Variants in SUMF2 observed in about 807,000 individuals in gnomAD.
The protein encoded by SUMF2 is inactive C-alpha-formylglycine-generating enzyme 2.
Under a neutral mutation model 44.8 loss-of-function variants are expected in SUMF2, and 45 were observed. The observed-to-expected ratio is 1.00, with a 90% CI of 0.79 to 1.29. SUMF2 has a LOEUF of 1.29. SUMF2 is among the 50% of genes most tolerant of loss of function. The pLI, the probability that SUMF2 is intolerant of heterozygous loss-of-function variation, is 0.00. For synonymous variants in SUMF2, 148 were observed against 150.4 expected (o/e 0.98, Z 0.12); for missense variants, 418 against 389.9 (o/e 1.07, Z -0.61).
downstream of SUMF2, among the ~76,000 whole-genome samples, chr7:56,083,960 G>C (rs1005435930): frequency 4.6e-5 from 7 of 152,158 alleles, no homozygotes; most frequent in Admixed American, 4.6e-4. Context: ...AACCCTCCGA[G>C]GAATAGGCCT....
At chr7:56,086,850 T>C in the SUMF2 span, 1 of 809,374 alleles carries the variant, frequency 1.2e-6, no homozygotes, top group Non-Finnish European at 2.2e-6. Context: ...AACACCGTGA[T>C]TGTATTTGGC....
rs2117510490 is a variant in SUMF2, at chr7:56,079,530, T to C, written c.824T>C (p.Met275Thr). The change falls in exon 9 of 9, where the codon ATG (methionine) becomes ACG (threonine). Residue 275 changes from methionine (M) to threonine (T), a missense_variant and splice_region_variant. Coordinates refer to ENST00000434526, the MANE Select transcript of SUMF2 (RefSeq NM_015411.4). ...TCTCTCCCCTTCTCTGCTGGCAGGA[T>C]GGGCAACACTCCAGATTCAGCCTCA... ...ANHRARVTTR[M>T]GNTPDSASDN... 6.2e-7 allele frequency: 1 copy of C among 1,611,344 alleles called. No individual in the cohort carries two copies. The highest frequency in any genetic ancestry group is 2.2e-5 in the East Asian group (1 of 44,798).
downstream of SUMF2, chr7:56,083,769 T>C: frequency 8.1e-7 from 1 of 1,241,968 alleles, no homozygotes; most frequent in Non-Finnish European, 1.2e-6. Context: ...CCACTGCCCT[T>C]ACCCTGCTCC....
At position 56,064,368 on chromosome 7, in the gene SUMF2, G is replaced by T. The variant is rs1262288764; in HGVS notation, c.57G>T (p.Trp19Cys). The T allele has an allele frequency of 1.2e-6, 2 of 1,604,048 alleles. No individual in the cohort carries two copies. Among genetic ancestry groups the T allele is most frequent in the African/African-American group, 2.7e-5 (2 of 74,902 alleles). Residue 19 changes from tryptophan to cysteine, a missense_variant, in exon 1 of 9, where the codon TGG becomes TGT. Trp to Cys is a radical substitution (Grantham distance 215, BLOSUM62 -2). Coordinates refer to ENST00000434526, the MANE Select transcript of SUMF2 (RefSeq NM_015411.4). ...TGCTGTCGCTCCTGGTCGGCGCGTG[G>T]CTCAAGCTAGGTCAGTGAACCGGCC... ...LPLLSLLVGA[W>C]LKLGNGQATS... is the part of the protein sequence containing the mutation.
downstream of SUMF2, chr7:56,081,347 G>A (rs1223785860): frequency 1.3e-6 from 2 of 1,561,370 alleles, no homozygotes; most frequent in Non-Finnish European, 1.7e-6. The surrounding 1 kb of genome is among the most constrained non-coding windows in gnomAD (Gnocchi z 4.6). Context: ...GCCCTGCCAG[G>A]CCCTGCCCCT....
chr7:56,083,178 G>T, downstream of SUMF2: 1 of 1,026,528 alleles, frequency 9.7e-7, no homozygotes, highest in Non-Finnish European at 1.4e-6. Flanking sequence ...TTATTCCAGG[G>T]AACAATTAAG....
downstream of SUMF2, among the ~76,000 whole-genome samples, chr7:56,082,508 G>A (rs1420202774): frequency 2.6e-5 from 4 of 152,034 alleles, no homozygotes; most frequent in Admixed American, 1.3e-4. Context: ...CAGGAGAATC[G>A]CTTGAACCTG....
At chr7:56,084,368 C>A (rs528474314), downstream of SUMF2, 4 of 525,242 alleles carry the variant, frequency 7.6e-6, no homozygotes, top group Admixed American at 1.1e-4. Context: ...GTGAGTATCC[C>A]GATTTTTTTT....
downstream of SUMF2, chr7:56,083,728 A>T: frequency 6.4e-7 from 1 of 1,558,516 alleles, no homozygotes; most frequent in Non-Finnish European, 8.7e-7. Context: ...GTGGAAACAG[A>T]GGGTTGATAG....
downstream of SUMF2, chr7:56,081,542 T>C (rs1795991762): frequency 6.8e-7 from 1 of 1,480,648 alleles, no homozygotes; most frequent in East Asian, 2.3e-5. The surrounding 1 kb of genome is among the most constrained non-coding windows in gnomAD (Gnocchi z 4.6). Flanking sequence ...CTCTGGAAAT[T>C]CACGGGGTGT....
At chr7:56,081,424 G>A (rs1239374161), downstream of SUMF2, 11 of 1,327,662 alleles carry the variant, frequency 8.3e-6, no homozygotes, top group Non-Finnish European at 1.0e-5. The surrounding 1 kb of genome is among the most constrained non-coding windows in gnomAD (Gnocchi z 4.6). Context: ...GGCCTTCCTA[G>A]TGTCCCCCAC....
downstream of SUMF2, chr7:56,081,810 G>A (rs1562876421): frequency 6.2e-7 from 1 of 1,608,796 alleles, no homozygotes; most frequent in East Asian, 2.2e-5. The surrounding 1 kb of genome is among the most constrained non-coding windows in gnomAD (Gnocchi z 4.6). Context: ...CCTCCAGCAT[G>A]TCAGGAAAGG....
downstream of SUMF2, chr7:56,081,045 G>A: frequency 1.2e-6 from 2 of 1,611,600 alleles, no homozygotes; most frequent in Non-Finnish European, 1.7e-6. The surrounding 1 kb of genome is among the most constrained non-coding windows in gnomAD (Gnocchi z 4.6). Flanking sequence ...TCCCTGACTG[G>A]CCAGCCCCTC....
intron 1 of SUMF2, among the ~76,000 whole-genome samples, chr7:56,068,267 C>T (rs1158904215): frequency 3.3e-5 from 5 of 151,752 alleles, no homozygotes; most frequent in Middle Eastern, 3.2e-3. Context: ...CTTGATCTGA[C>T]CTCGTCATCT....
At chr7:56,083,699 G>T, downstream of SUMF2, 1 of 1,581,368 alleles carries the variant, frequency 6.3e-7, no homozygotes, top group Non-Finnish European at 8.6e-7. Flanking sequence ...TAGTCAAAGA[G>T]CTCCCCTCTC....
At chr7:56,087,510 G>A in the SUMF2 span, 2 of 1,326,080 alleles carry the variant, frequency 1.5e-6, no homozygotes, top group Non-Finnish European at 2.1e-6. Context: ...CTAGTTGGCT[G>A]TGCGGTGGGG....
chr7:56,072,256 T>C (rs573782891), intron 2 of SUMF2, among the ~76,000 whole-genome samples: 3 of 151,812 alleles, frequency 2.0e-5, no homozygotes, highest in African/African-American at 7.3e-5. Context: ...CGAAACCCTA[T>C]CTTTACAAAA....
At chr7:56,087,837 T>G in the SUMF2 span, 1 of 1,370,390 alleles carries the variant, frequency 7.3e-7, no homozygotes, top group Non-Finnish European at 1.0e-6. Context: ...GGTCCCAGAT[T>G]AGAGGCTGCA....
chr7:56,074,028 A>C, intron 3 of SUMF2, 146 bp from the exon 4 acceptor site: 1 of 567,580 alleles, frequency 1.8e-6, no homozygotes, highest in Non-Finnish European at 3.1e-6. Context: ...AAAAAAAAAA[A>C]AAAAAAAAAA....
Sources: gnomAD v4.1 joint callset for allele counts (sites outside exome capture counted in the v4.1 genomes callset) on GRCh38, gnomAD v4.1.1 for gene constraint, Gnocchi (gnomAD v3.1) non-coding constraint, MANE v1.5 for transcripts, NCBI Gene and HGNC (gene_info 2026-07-23, HGNC 2026-07-21) for gene names.